Variants in CHKA observed in about 807,000 individuals in gnomAD.
CHKA encodes CHETK-alpha.
Under a neutral mutation model 60.1 loss-of-function variants are expected in CHKA, and 34 were observed. The ratio of observed to expected loss-of-function variants is 0.57; its 90% CI spans 0.43 to 0.75. The LOEUF is 0.75. CHKA is among the 30% of genes least tolerant of loss of function. The probability of loss-of-function intolerance (pLI) is 0.00; values close to 1 mark genes in which losing one functional copy is unlikely to be tolerated. For synonymous variants in CHKA, 217 were observed against 223.1 expected, an observed-to-expected ratio of 0.97 and a Z score of 0.24; for missense variants, 563 against 561.3, an observed-to-expected ratio of 1.00 and a Z score of -0.03.
intron 2 of CHKA, chr11:68,089,757 AG>A (rs1224965405): frequency 1.3e-5 from 2 of 152,256 alleles, no homozygotes; most frequent in Non-Finnish European, 2.9e-5. Flanking sequence ...CTTGAATCCA[AG>A]AACTAAAAGA....
intron 3 of CHKA, among the ~76,000 whole-genome samples, chr11:68,077,234 T>G (rs1856822495): frequency 6.6e-6 from 1 of 152,116 alleles, no homozygotes. Flanking sequence ...AGCAAGACTC[T>G]GTCTCAAAAG....
At chr11:68,109,025 A>C (rs796647921) in intron 1 of CHKA, among the ~76,000 whole-genome samples, 2 of 30,502 alleles carry the variant, frequency 6.6e-5, no homozygotes, top group African/African-American at 2.0e-4. Flanking sequence ...GAGGGGGGGA[A>C]AAAATCCCTT....
At position 68,121,216 on chromosome 11, in the gene CHKA, G is replaced by A. The variant is rs2153034872; in HGVS notation, c.-39C>T. 3 of 1,139,536 alleles carry A rather than the reference G, an allele frequency of 2.6e-6. No individual in the cohort carries two copies. The highest frequency in any genetic ancestry group is 3.4e-5 in the African/African-American group (2 of 59,662). 70.6% of individuals were successfully genotyped at this position (1,139,536 alleles called of 1,614,324 possible). On this transcript the variant is annotated 5_prime_UTR_variant, in exon 1 of 12. Transcript: ENST00000265689. Reference sequence around the variant, plus strand: ...CCGAGGAGGCGCGGGCGGCCGCAGCGCGAGAGGACTAGGCTCAGAGTCCGG... The same window carrying A: ...CCGAGGAGGCGCGGGCGGCCGCAGCACGAGAGGACTAGGCTCAGAGTCCGG...
At chr11:68,072,440 G>A (rs767679067) in intron 4 of CHKA, among the ~76,000 whole-genome samples, 2 of 151,756 alleles carry the variant, frequency 1.3e-5, no homozygotes, top group African/African-American at 4.8e-5. Flanking sequence ...CCAGCTACTC[G>A]GGAGGCTGAG....
chr11:68,080,853 C>CG (rs1464939390), intron 3 of CHKA, among the ~76,000 whole-genome samples: 1 of 152,244 alleles, frequency 6.6e-6, no homozygotes, highest in African/African-American at 2.4e-5. Flanking sequence ...GAGGCTCCAT[C>CG]GGTCAGTGCT....
intron 7 of CHKA, among the ~76,000 whole-genome samples, chr11:68,066,764 C>T (rs998409488): frequency 1.3e-5 from 2 of 152,206 alleles, no homozygotes; most frequent in African/African-American, 4.8e-5. Context: ...CTCGCCAGAC[C>T]CCCAGGATCA....
At chr11:68,102,496 G>A (rs762417415) in intron 1 of CHKA, among the ~76,000 whole-genome samples, 6 of 152,232 alleles carry the variant, frequency 3.9e-5, no homozygotes, top group African/African-American at 9.6e-5. Flanking sequence ...ACTGGATATC[G>A]CACGCACAAG....
At chr11:68,079,787 C>G (rs935166562) in intron 3 of CHKA, among the ~76,000 whole-genome samples, 2 of 152,186 alleles carry the variant, frequency 1.3e-5, no homozygotes, top group African/African-American at 4.8e-5. Context: ...CGAGGAGAGA[C>G]TGCTAGCCAA....
chr11:68,101,829 G>A lies in CHKA; in HGVS notation c.351-4699C>T, dbSNP rs896853925. Among the ~76,000 whole-genome samples, 95 of 152,256 alleles carry A rather than the reference G, an allele frequency of 6.2e-4. 3 individuals carry two copies. Among genetic ancestry groups the A allele is most frequent in the South Asian group, 4.1e-4 (2 of 4,822 alleles). On this transcript the variant is annotated intron_variant, in intron 1 of 11. Coordinates refer to ENST00000265689, the MANE Select transcript of CHKA (RefSeq NM_001277.3). ...TAAAATGTCCATACTGGCCAAGCGC[G>A]TGGCTGACGCCTGTAATCCCAACAC... is the stretch of plus-strand genomic sequence containing the variant.
chr11:68,095,982 G>A (rs1459386113), intron 2 of CHKA, among the ~76,000 whole-genome samples: 1 of 151,316 alleles, frequency 6.6e-6, no homozygotes, highest in Non-Finnish European at 1.5e-5. Flanking sequence ...AGAGGCTGCA[G>A]TGAGCCGAGA....
chr11:68,095,701 T>C (rs1368211345), intron 2 of CHKA, among the ~76,000 whole-genome samples: 1 of 70,452 alleles, frequency 1.4e-5, no homozygotes, highest in Non-Finnish European at 2.4e-5. Flanking sequence ...AGAGCAAGAC[T>C]CCGTCGCAAA....
chr11:68,087,491 C>T (rs1857216312), intron 2 of CHKA, among the ~76,000 whole-genome samples: 1 of 151,660 alleles, frequency 6.6e-6, no homozygotes, highest in Non-Finnish European at 1.5e-5. Flanking sequence ...CACACACACA[C>T]ACAAAAAAAT....
At chr11:68,112,999 G>A (rs1255010647) in intron 1 of CHKA, among the ~76,000 whole-genome samples, 15 of 140,096 alleles carry the variant, frequency 1.1e-4, no homozygotes, top group Admixed American at 2.4e-4. Flanking sequence ...GGAAAATGGC[G>A]TGAAACCGGG....
intron 11 of CHKA, among the ~76,000 whole-genome samples, chr11:68,055,402 C>T (rs1445899324): frequency 6.6e-6 from 1 of 152,128 alleles, no homozygotes; most frequent in Non-Finnish European, 1.5e-5. Flanking sequence ...CAAAAACAGA[C>T]AAACAAATGA....
chr11:68,058,275 T>C (rs1856100151), intron 11 of CHKA, among the ~76,000 whole-genome samples: 1 of 152,200 alleles, frequency 6.6e-6, no homozygotes, highest in Non-Finnish European at 1.5e-5. Context: ...GAAGTCTTCT[T>C]TGTTCTTTTA....
At chr11:68,100,457 G>GC (rs1857665838) in intron 1 of CHKA, among the ~76,000 whole-genome samples, 1 of 152,014 alleles carries the variant, frequency 6.6e-6, no homozygotes, top group African/African-American at 2.4e-5. Context: ...GGGCATGGTG[G>GC]CACGTGCCTG....
intron 8 of CHKA, 115 bp downstream of exon 8, chr11:68,066,314 A>C: frequency 4.8e-6 from 4 of 826,654 alleles, no homozygotes; most frequent in East Asian, 2.6e-5. Context: ...TTCCAGGTGA[A>C]GCAGCTTGCA....
chr11:68,073,815 C>A (rs2134556034), intron 4 of CHKA, among the ~76,000 whole-genome samples: 1 of 152,312 alleles, frequency 6.6e-6, no homozygotes, highest in East Asian at 1.9e-4. Flanking sequence ...CATGCCCAGG[C>A]CTCTCATGGA....
At chr11:68,075,974 A>G (rs867282772) in intron 3 of CHKA, among the ~76,000 whole-genome samples, 112 of 152,342 alleles carry the variant, frequency 7.4e-4, no homozygotes, top group African/African-American at 2.6e-3. Context: ...AAAAACTGAG[A>G]AACCAAGAGG....
Sources: gnomAD v4.1 joint callset for allele counts (sites outside exome capture counted in the v4.1 genomes callset) on GRCh38, gnomAD v4.1.1 for gene constraint, MANE v1.5 for transcripts, NCBI Gene and HGNC (gene_info 2026-07-23, HGNC 2026-07-21) for gene names.